Variants in SP100 observed in about 807,000 individuals in gnomAD.
The protein encoded by SP100 is SP100 nuclear body protein.
SP100 carries 84 observed loss-of-function variants against 130.0 expected under a neutral mutation model. The ratio of observed to expected loss-of-function variants is 0.65; its 90% CI spans 0.54 to 0.77. SP100 has a LOEUF of 0.77. SP100 is among the 30% of genes least tolerant of loss of function. The pLI is 0.00. For synonymous variants in SP100, 331 were observed against 351.7 expected, an observed-to-expected ratio of 0.94 and a Z score of 0.66; for missense variants, 978 against 1,052.2, an observed-to-expected ratio of 0.93 and a Z score of 0.97.
In SP100 at chr2:230,542,819, T is replaced by G; in HGVS notation, c.2548-17T>G. The G allele has an allele frequency of 2.6e-6, 4 of 1,518,868 alleles. No homozygotes were observed. Among genetic ancestry groups the G allele is most frequent in the Non-Finnish European group, 2.7e-6 (3 of 1,093,708 alleles). The allele number at this position is 1,518,868 out of a possible 1,614,324, so 94.1% of individuals were successfully genotyped here. ...CATTGCATAACTGCTATATTGTTTT[T>G]TTCTTTGCTTTTTTAGGAAGATAAA... On this transcript the variant is annotated splice_polypyrimidine_tract_variant and intron_variant, in intron 28 of 28. Transcript: ENST00000340126.
At chr2:230,503,469 G>C (rs2067149132) in intron 20 of SP100, among the ~76,000 whole-genome samples, 1 of 152,062 alleles carries the variant, frequency 6.6e-6, no homozygotes. Flanking sequence ...TACCTTTTTT[G>C]ATGCCAGGAA....
intron 17 of SP100, among the ~76,000 whole-genome samples, chr2:230,488,357 C>A (rs1429423571): frequency 6.6e-6 from 1 of 152,028 alleles, no homozygotes; most frequent in Admixed American, 6.6e-5. Context: ...GGAGGTATGT[C>A]TCATCAATAC....
intron 24 of SP100, among the ~76,000 whole-genome samples, chr2:230,530,934 G>T (rs1287841559): frequency 6.6e-6 from 1 of 152,174 alleles, no homozygotes; most frequent in African/African-American, 2.4e-5. Context: ...TGCTGGAAAG[G>T]ATGTGGAAAA....
chr2:230,473,111 A>T (rs2065357123), intron 15 of SP100: 1 of 458,124 alleles, frequency 2.2e-6, no homozygotes, highest in Non-Finnish European at 4.0e-6. Flanking sequence ...ACAAACTATT[A>T]ATTGACCCTT....
Position 230,498,537 on chromosome 2 carries a change from T to TAAAA in SP100, c.1720+12_1720+15dup. ...AAAAGAAAAGATGGCAACAAAGAGGTAAAAAAAAAAAAATACATTTTAAAT... is the reference window on the plus strand; with the variant it reads ...AAAAGAAAAGATGGCAACAAAGAGGTAAAAAAAAAAAAAAAAATACATTTTAAAT... On this transcript the variant is annotated splice_region_variant and intron_variant, in intron 19 of 28. Coordinates refer to ENST00000340126, the MANE Select transcript of SP100 (RefSeq NM_001080391.2). 9.0e-7 allele frequency: 1 copy of TAAAA among 1,112,478 alleles called. No individual in the cohort carries two copies. The highest frequency in any genetic ancestry group is 1.2e-6 in the Non-Finnish European group (1 of 816,546). The allele number at this position is 1,112,478 out of a possible 1,614,324, so 68.9% of individuals were successfully genotyped here.
At chr2:230,456,711 T>G (rs188173127) in intron 8 of SP100, among the ~76,000 whole-genome samples, 95 of 152,318 alleles carry the variant, frequency 6.2e-4, no homozygotes, top group Non-Finnish European at 4.6e-4. Flanking sequence ...TGATGCCTTT[T>G]TAAATTTCAT....
At chr2:230,460,199 G>A (rs540775071) in intron 8 of SP100, among the ~76,000 whole-genome samples, 27 of 152,312 alleles carry the variant, frequency 1.8e-4, no homozygotes, top group African/African-American at 6.0e-4. Context: ...AGAAAAGAAT[G>A]CTCAAGGCAG....
At position 230,532,866 on chromosome 2, in the gene SP100, T is replaced by C. The variant is rs187412164; in HGVS notation, c.2095-6401T>C. ...CGCGATCTTGGCTTACTGCAACCTCTGCCTCCTGGGTTCAAGCAACTCTCC... is the reference window on the plus strand; with the variant it reads ...CGCGATCTTGGCTTACTGCAACCTCCGCCTCCTGGGTTCAAGCAACTCTCC... On this transcript the variant is annotated intron_variant, in intron 24 of 28. Coordinates refer to ENST00000340126, the MANE Select transcript of SP100 (RefSeq NM_001080391.2). Among the ~76,000 whole-genome samples, 862 of 152,310 alleles carry C rather than the reference T, an allele frequency of 5.7e-3. 10 individuals carry two copies. Among genetic ancestry groups the C allele is most frequent in the African/African-American group, 0.02 (818 of 41,570 alleles).
At chr2:230,439,107 T>C (rs1292009028) in intron 2 of SP100, among the ~76,000 whole-genome samples, 1 of 152,176 alleles carries the variant, frequency 6.6e-6, no homozygotes, top group Non-Finnish European at 1.5e-5. Context: ...TAATTAGTGA[T>C]GTTGAGAATT....
chr2:230,522,166 A>G (rs903932270), intron 24 of SP100, among the ~76,000 whole-genome samples: 1 of 152,126 alleles, frequency 6.6e-6, no homozygotes, highest in Non-Finnish European at 1.5e-5. Context: ...CAACCGATGG[A>G]GAAAGGAAAA....
chr2:230,491,764 G>A (rs2066405371), intron 17 of SP100, among the ~76,000 whole-genome samples: 1 of 152,192 alleles, frequency 6.6e-6, no homozygotes, highest in South Asian at 2.1e-4. Flanking sequence ...TTCAACATGA[G>A]ATTTGGGTGG....
At position 230,503,126 on chromosome 2, in the gene SP100, C is replaced by T. The variant is rs748327031; in HGVS notation, c.1765+16C>T. On this transcript the variant is annotated intron_variant, in intron 20 of 28. Transcript: ENST00000340126. ...AGAAAAAGAGGTAAATAGAAGTGAT[C>T]GATATGTTTTTCATAATTAAACATT... is the stretch of plus-strand genomic sequence containing the variant. 4.5e-6 allele frequency: 7 copies of T among 1,549,428 alleles called. No homozygotes were observed. The highest frequency in any genetic ancestry group is 1.4e-5 in the African/African-American group (1 of 73,070).
chr2:230,544,654 G>T lies in SP100; in HGVS notation c.*1708G>T, dbSNP rs571607031. Among the ~76,000 whole-genome samples, 14 of 152,172 alleles carry T rather than the reference G, an allele frequency of 9.2e-5. No homozygotes were observed. In the East Asian group the frequency reaches 2.7e-3, roughly 29 times the overall value. On this transcript the variant is annotated 3_prime_UTR_variant, in exon 29 of 29. Coordinates refer to ENST00000340126, the MANE Select transcript of SP100 (RefSeq NM_001080391.2). ...AGGCATGCACCACCTGACTGATTTTGTATTTTAGTAGAGACGGGGTTTCTC... is the reference window on the plus strand; with the variant it reads ...AGGCATGCACCACCTGACTGATTTTTTATTTTAGTAGAGACGGGGTTTCTC...
chr2:230,541,371 A>T lies in SP100; in HGVS notation c.2402A>T (p.Tyr801Phe). The change falls in exon 27 of 29, where the codon TAT (tyrosine) becomes TTT (phenylalanine). Residue 801 changes from tyrosine (Y) to phenylalanine (F), a missense_variant and splice_region_variant. Physicochemically the swap from Tyr to Phe is conservative, Grantham distance 22. Coordinates refer to ENST00000340126, the MANE Select transcript of SP100 (RefSeq NM_001080391.2). Reference protein sequence around the residue: ...KSCFFASEPYYNREGSQGPQK... With the variant: ...KSCFFASEPYFNREGSQGPQK... ...TGCTTTTTCGCCTCAGAACCGTATT[A>T]TGTAAGTAACAGCCAAACAAAAATG... The T allele has an allele frequency of 6.2e-7, 1 of 1,612,886 alleles. No individual in the cohort carries two copies. Among genetic ancestry groups the T allele is most frequent in the Non-Finnish European group, 8.5e-7 (1 of 1,178,916 alleles).
chr2:230,492,209 T>G (rs1257755733), intron 17 of SP100, among the ~76,000 whole-genome samples: 3 of 152,208 alleles, frequency 2.0e-5, no homozygotes, highest in Non-Finnish European at 2.9e-5. Flanking sequence ...ACTCTTGGAT[T>G]TGTCAACACA....
chr2:230,436,779 C>T (rs1031049713), intron 2 of SP100, among the ~76,000 whole-genome samples: 2 of 151,934 alleles, frequency 1.3e-5, no homozygotes, highest in Non-Finnish European at 2.9e-5. Flanking sequence ...ATATTGTACA[C>T]TATTTTAGTA....
At chr2:230,418,719 T>C (rs2149851917) in intron 2 of SP100, among the ~76,000 whole-genome samples, 1 of 152,344 alleles carries the variant, frequency 6.6e-6, no homozygotes, top group Non-Finnish European at 1.5e-5. Context: ...GATTAAATTA[T>C]CCTTTTCCCT....
chr2:230,436,866 GTATATGTGTATACACACACA>G (rs777360119), intron 2 of SP100, among the ~76,000 whole-genome samples: 69 of 119,304 alleles, frequency 5.8e-4, no homozygotes, highest in South Asian at 4.8e-3. Context: ...GAACACATAT[GTATATGTGTATACACACACA>G]TATATGTGTA....
At chr2:230,499,864 T>G (rs2066917517) in intron 19 of SP100, among the ~76,000 whole-genome samples, 1 of 152,160 alleles carries the variant, frequency 6.6e-6, no homozygotes, top group South Asian at 2.1e-4. Context: ...TCATTTGGCT[T>G]GAGAGAAGGT....
Sources: allele counts gnomAD v4.1 joint callset (sites outside exome capture counted in the v4.1 genomes callset), GRCh38; gene constraint gnomAD v4.1.1; transcripts MANE v1.5; gene names NCBI Gene and HGNC (gene_info 2026-07-23, HGNC 2026-07-21).